Variants in ELOVL6 observed in about 807,000 individuals in gnomAD.
The protein encoded by ELOVL6 is very long chain fatty acid elongase 6.
Under a neutral mutation model 31.7 loss-of-function variants are expected in ELOVL6, and 8 were observed. That is an observed-to-expected ratio of 0.25 (90% CI 0.15 to 0.45). ELOVL6 has a LOEUF of 0.45. Among genes scored for constraint, ELOVL6 ranks in the 20% least tolerant of loss-of-function variants. ELOVL6 has a pLI of 1.00. For missense variants in ELOVL6, 126 were observed against 326.4 expected (o/e 0.39, Z 4.73); for synonymous variants, 101 against 117.7 (o/e 0.86, Z 0.92).
At chr4:110,055,397 A>T (rs1361657596) in intron 3 of ELOVL6, among the ~76,000 whole-genome samples, 1 of 152,052 alleles carries the variant, frequency 6.6e-6, no homozygotes, top group Non-Finnish European at 1.5e-5. Flanking sequence ...AAGCAATGGG[A>T]CTTTAGACTC....
chr4:110,153,023 G>A (rs1758323781), intron 1 of ELOVL6, among the ~76,000 whole-genome samples: 2 of 152,118 alleles, frequency 1.3e-5, no homozygotes, highest in Admixed American at 6.5e-5. Context: ...AGTAGTTGAC[G>A]AACCACTTCT....
chr4:110,185,333 C>T (rs1759406576), intron 1 of ELOVL6, among the ~76,000 whole-genome samples: 1 of 149,254 alleles, frequency 6.7e-6, no homozygotes, highest in African/African-American at 2.4e-5. Flanking sequence ...CATGTATGTA[C>T]AGTAGGAGCT....
rs59169507 is a variant in ELOVL6, at chr4:110,047,890, C to CAAAAAAAAAAA, written c.*3437_*3447dup. The CAAAAAAAAAAA allele has an allele frequency of 1.6e-5, 1 of 63,710 alleles. No homozygotes were observed. The highest frequency in any genetic ancestry group is 2.9e-5 in the Non-Finnish European group (1 of 33,984). The allele number at this position is 63,710 out of a possible 1,614,324, so 3.9% of individuals were successfully genotyped here. ...GGGCAACAACAGCAAGAATCCACCTCAAAAAAAAAAAAAAAAAAAAAAAGA... is the reference window on the plus strand; with the variant it reads ...GGGCAACAACAGCAAGAATCCACCTCAAAAAAAAAAAAAAAAAAAAAAAAAAAAAAAAAAGA... On this transcript the variant is annotated 3_prime_UTR_variant, in exon 4 of 4. Coordinates refer to ENST00000302274, the MANE Select transcript of ELOVL6 (RefSeq NM_024090.3).
intron 2 of ELOVL6, among the ~76,000 whole-genome samples, chr4:110,072,537 C>T (rs746337049): frequency 7.2e-5 from 11 of 152,096 alleles, no homozygotes; most frequent in Non-Finnish European, 1.3e-4. Context: ...AGGTGAAACT[C>T]ACTAGTAGGC....
At chr4:110,122,221 T>C (rs896155356) in intron 1 of ELOVL6, among the ~76,000 whole-genome samples, 1 of 152,212 alleles carries the variant, frequency 6.6e-6, no homozygotes, top group Non-Finnish European at 1.5e-5. Context: ...CATTAAATTA[T>C]ATGAAGTCAA....
rs1754787164 is a variant in ELOVL6 at position 110,049,674 on chromosome 4, T to C, written c.*1664A>G. On this transcript the variant is annotated 3_prime_UTR_variant, in exon 4 of 4. Transcript: ENST00000302274. Reference sequence around the variant, plus strand: ...TGTACCCCACATCTGTGTGTCTGTGTGTGTATGCGTGGCTATGTGCGTGTA... The same window carrying C: ...TGTACCCCACATCTGTGTGTCTGTGCGTGTATGCGTGGCTATGTGCGTGTA... 1 of 151,510 alleles carries C rather than the reference T, an allele frequency of 6.6e-6. No individual in the cohort carries two copies. The highest frequency in any genetic ancestry group is 1.5e-5 in the Non-Finnish European group (1 of 67,902). 9.4% of individuals were successfully genotyped at this position (151,510 alleles called of 1,614,324 possible). A position where few individuals can be genotyped will look rare whatever the true frequency, so the allele number is the denominator to read the frequency against.
intron 2 of ELOVL6, among the ~76,000 whole-genome samples, chr4:110,095,012 A>G (rs754429097): frequency 9.2e-5 from 14 of 152,232 alleles, no homozygotes; most frequent in Non-Finnish European, 1.9e-4. Flanking sequence ...TTAAGGCAAT[A>G]TATAGTCTGG....
At chr4:110,069,941 A>T (rs997724706) in intron 2 of ELOVL6, among the ~76,000 whole-genome samples, 1 of 152,120 alleles carries the variant, frequency 6.6e-6, no homozygotes, top group African/African-American at 2.4e-5. Flanking sequence ...CTCCCTCTAC[A>T]ACCCCACTCC....
chr4:110,198,629 T>C (rs12646195), upstream of ELOVL6: 14 of 333,850 alleles, frequency 4.2e-5, no homozygotes, highest in Admixed American at 5.8e-4. Context: ...CGCACGTTTG[T>C]CCATCACCCT....
In ELOVL6 at chr4:110,171,679, C is replaced by CTTTT. The variant is rs70956406; in HGVS notation, c.89+26564_89+26567dup. Among the ~76,000 whole-genome samples, 376 of 66,186 alleles carry CTTTT rather than the reference C, an allele frequency of 5.7e-3. 24 individuals carry two copies. The highest frequency in any genetic ancestry group is 0.018 in the African/African-American group (335 of 18,916). 43.4% of individuals were successfully genotyped at this position (66,186 alleles called of 152,430 possible). ...TCATCTGTATCTTGCATAATATCCT[C>CTTTT]TTTTTTTTTTTTTTTTTTTTTTTTT... is the stretch of plus-strand genomic sequence containing the variant. On this transcript the variant is annotated intron_variant, in intron 1 of 3. Coordinates refer to ENST00000302274, the MANE Select transcript of ELOVL6 (RefSeq NM_024090.3).
At chr4:110,127,455 G>GCTC (rs1475700031) in intron 1 of ELOVL6, among the ~76,000 whole-genome samples, 1 of 145,502 alleles carries the variant, frequency 6.9e-6, no homozygotes, top group Non-Finnish European at 1.5e-5. Flanking sequence ...GTCTCACTAA[G>GCTC]CTCCTAAAGC....
At chr4:110,198,954 C>T (rs1384354691), upstream of ELOVL6, 2 of 152,330 alleles carry the variant, frequency 1.3e-5, no homozygotes, top group East Asian at 3.9e-4. Context: ...AACCTGCCAG[C>T]TCTCTTGCAA....
At chr4:110,193,464 G>A (rs1578294277) in intron 1 of ELOVL6, among the ~76,000 whole-genome samples, 1 of 152,186 alleles carries the variant, frequency 6.6e-6, no homozygotes, top group Non-Finnish European at 1.5e-5. Flanking sequence ...AATTAGCTTG[G>A]TGTCATGGCA....
intron 2 of ELOVL6, among the ~76,000 whole-genome samples, chr4:110,060,660 C>A (rs540139863): frequency 6.6e-6 from 1 of 152,182 alleles, no homozygotes; most frequent in African/African-American, 2.4e-5. Flanking sequence ...GCCACTATTA[C>A]GAAGTGAGCC....
At chr4:110,069,421 C>G (rs1271301901) in intron 2 of ELOVL6, among the ~76,000 whole-genome samples, 1 of 152,006 alleles carries the variant, frequency 6.6e-6, no homozygotes, top group East Asian at 1.9e-4. Flanking sequence ...CTGCTTGCTC[C>G]AGCCCATCTC....
At position 110,058,195 on chromosome 4, in the gene ELOVL6, C is replaced by CTGAA. The variant is rs577703610; in HGVS notation, c.373+1404_373+1407dup. ...TCAGCCAGTGCTTAACATAAATGCA[C>CTGAA]TGAATGAATGAATGAATGAATCCAC... is the stretch of plus-strand genomic sequence containing the variant. On this transcript the variant is annotated intron_variant, in intron 3 of 3. Coordinates refer to ENST00000302274, the MANE Select transcript of ELOVL6 (RefSeq NM_024090.3). Among the ~76,000 whole-genome samples, 235 of 152,200 alleles carry CTGAA rather than the reference C, an allele frequency of 1.5e-3. 2 individuals are homozygous for CTGAA. The highest frequency in any genetic ancestry group is 0.015 in the South Asian group (72 of 4,814).
chr4:110,146,218 C>CAACAAG (rs1413406451), intron 1 of ELOVL6, among the ~76,000 whole-genome samples: 1 of 152,094 alleles, frequency 6.6e-6, no homozygotes, highest in Admixed American at 6.6e-5. Flanking sequence ...TTGGCAAAGT[C>CAACAAG]AACAAGAACA....
intron 1 of ELOVL6, among the ~76,000 whole-genome samples, chr4:110,137,427 G>T (rs1349467508): frequency 2.0e-4 from 31 of 152,130 alleles, no homozygotes; most frequent in Admixed American, 2.0e-3. Context: ...AATCAGAAAT[G>T]GGACAAACTC....
At chr4:110,103,480 T>C (rs577812262) in intron 2 of ELOVL6, among the ~76,000 whole-genome samples, 38 of 152,228 alleles carry the variant, frequency 2.5e-4, no homozygotes, top group African/African-American at 8.9e-4. Flanking sequence ...ACCTGATGAA[T>C]ATAGACAAAG....
Sources: allele counts gnomAD v4.1 joint callset (sites outside exome capture counted in the v4.1 genomes callset), GRCh38; gene constraint gnomAD v4.1.1; transcripts MANE v1.5; gene names NCBI Gene and HGNC (gene_info 2026-07-23, HGNC 2026-07-21).